The following DYM variants were observed in gnomAD, a reference collection of about 807,000 sequenced individuals.
DYM encodes dymeclin.
In DYM, 78 loss-of-function variants were observed where a neutral mutation model predicts 93.1. That is an observed-to-expected ratio of 0.84 (90% CI 0.70 to 1.01). DYM has a LOEUF of 1.01. Ranked by LOEUF, DYM falls within the 50% of genes least tolerant of loss-of-function variation. DYM has a pLI of 0.00. For missense variants in DYM, 789 were observed against 845.0 expected (o/e 0.93, Z 0.82); for synonymous variants, 321 against 319.7 (o/e 1.00, Z -0.04).
At chr18:49,319,068 G>A (rs1028814357) in intron 8 of DYM, among the ~76,000 whole-genome samples, 2 of 152,028 alleles carry the variant, frequency 1.3e-5, no homozygotes, top group African/African-American at 2.4e-5. Flanking sequence ...GCCTCCCAAA[G>A]TGCTGGGATT....
intron 15 of DYM, among the ~76,000 whole-genome samples, chr18:49,124,662 C>G (rs1256180119): frequency 6.6e-6 from 1 of 152,070 alleles, no homozygotes; most frequent in African/African-American, 2.4e-5. Context: ...TACATTGTTT[C>G]TGTGACAAAT....
At chr18:49,367,487 T>C (rs1416245572) in intron 5 of DYM, among the ~76,000 whole-genome samples, 2 of 152,178 alleles carry the variant, frequency 1.3e-5, no homozygotes, top group African/African-American at 4.8e-5. Flanking sequence ...TGTTGTTTTG[T>C]CCTTAGGGAG....
At chr18:49,447,770 T>C (rs1329410845) in intron 1 of DYM, among the ~76,000 whole-genome samples, 2 of 152,184 alleles carry the variant, frequency 1.3e-5, no homozygotes, top group Non-Finnish European at 2.9e-5. Context: ...CTGTATGAAA[T>C]GTGTGGGAAG....
At position 49,044,156 on chromosome 18, in the gene DYM, C is replaced by A; in HGVS notation, c.2074G>T (p.Glu692Ter). 2 of 1,614,146 alleles carry A rather than the reference C, an allele frequency of 1.2e-6. No homozygotes were observed. Among genetic ancestry groups the A allele is most frequent in the Non-Finnish European group, 1.7e-6 (2 of 1,179,998 alleles). ...FKYVEEEQPE[E>*]FFIPYVWSLV... ...GACCAGACATAGGGGATAAAAAACT[C>A]CTCGGGCTGCTCCTCTTCCACATAT... Residue 692 changes from glutamate to a stop codon, truncating the protein, a stop_gained, in exon 18 of 18, where the codon GAG becomes TAG. Transcript: ENST00000675505. LOFTEE classifies it high-confidence loss of function.
intron 6 of DYM, among the ~76,000 whole-genome samples, chr18:49,359,232 G>C (rs1403268228): frequency 6.6e-6 from 1 of 152,120 alleles, no homozygotes; most frequent in East Asian, 1.9e-4. Flanking sequence ...GCAAGGATTT[G>C]CTTTTGGCCG....
At chr18:49,352,675 G>A (rs1934337709) in intron 6 of DYM, among the ~76,000 whole-genome samples, 1 of 152,162 alleles carries the variant, frequency 6.6e-6, no homozygotes, top group Non-Finnish European at 1.5e-5. Context: ...TTTGCTAAAT[G>A]TAAATTATAC....
chr18:49,394,379 T>C (rs914476976), intron 2 of DYM, among the ~76,000 whole-genome samples: 1 of 151,774 alleles, frequency 6.6e-6, no homozygotes, highest in Non-Finnish European at 1.5e-5. Context: ...ATAGATTCTG[T>C]TTCATTTGTC....
Position 49,430,317 on chromosome 18 carries a change from GAT to G in DYM, c.76_77del (p.Ile26LeufsTer2). 2 of 1,614,072 alleles carry G rather than the reference GAT, an allele frequency of 1.2e-6. No individual in the cohort carries two copies. The highest frequency in any genetic ancestry group is 1.7e-6 in the Non-Finnish European group (2 of 1,180,010). ...YLKKLSGTES[I>X]SENDPFWNQL... ...GATTCCAGAACGGGTCATTCTCAGA[GAT>G]AGATTCCGTGCCTGATAACTTTTTC... On this transcript the variant is annotated frameshift_variant, in exon 2 of 18. Coordinates refer to ENST00000675505, the MANE Select transcript of DYM (RefSeq NM_001353214.3). LOFTEE classifies it high-confidence loss of function.
At chr18:49,417,364 G>T (rs2073114180) in intron 2 of DYM, among the ~76,000 whole-genome samples, 1 of 151,916 alleles carries the variant, frequency 6.6e-6, no homozygotes, top group African/African-American at 2.4e-5. Context: ...TGCCCAGGCT[G>T]GTCTCAAACT....
intron 6 of DYM, among the ~76,000 whole-genome samples, chr18:49,356,678 A>C (rs892122365): frequency 3.9e-5 from 6 of 152,212 alleles, no homozygotes; most frequent in African/African-American, 1.2e-4. Context: ...TGGAGACTCC[A>C]TAAAGAAACC....
At chr18:49,276,271 A>G (rs115993133) in intron 10 of DYM, among the ~76,000 whole-genome samples, 2,289 of 152,142 alleles carry the variant, frequency 0.015, 63 homozygotes, top group African/African-American at 0.052. Context: ...AAATATTTTT[A>G]TTTCATAAAA....
chr18:49,419,298 G>A (rs984630363), intron 2 of DYM, among the ~76,000 whole-genome samples: 7 of 152,054 alleles, frequency 4.6e-5, no homozygotes, highest in East Asian at 1.9e-4. Context: ...GGCGGAGGTC[G>A]CAGTGAGCTG....
chr18:49,245,694 C>T (rs2144820610), intron 13 of DYM, among the ~76,000 whole-genome samples: 1 of 152,244 alleles, frequency 6.6e-6, no homozygotes, highest in East Asian at 1.9e-4. Context: ...TCTAATTTTG[C>T]CTTTGCCTTG....
chr18:49,166,760 G>T (rs1039305175), intron 14 of DYM, among the ~76,000 whole-genome samples: 2 of 152,072 alleles, frequency 1.3e-5, no homozygotes, highest in Non-Finnish European at 2.9e-5. Context: ...AGAACTTTGG[G>T]TAGTCAATTC....
intron 17 of DYM, among the ~76,000 whole-genome samples, chr18:49,080,766 G>A (rs187769990): frequency 7.1e-6 from 1 of 141,248 alleles, no homozygotes; most frequent in Admixed American, 6.9e-5. Context: ...CGGGCGGAGG[G>A]GCTCCTCACT....
chr18:49,095,698 C>A (rs879400726), intron 17 of DYM, among the ~76,000 whole-genome samples: 1 of 152,042 alleles, frequency 6.6e-6, no homozygotes, highest in African/African-American at 2.4e-5. Flanking sequence ...TTCTGAAAAA[C>A]GAAAAGAGTT....
chr18:49,038,884 T>C lies in DYM; in HGVS notation c.*5171A>G, dbSNP rs2070801962. ...TCTTCTTGGATGATGCCAAGTGTCT[T>C]AGAACACTTAAAATTCCCACATAAA... On this transcript the variant is annotated 3_prime_UTR_variant, in exon 18 of 18. Coordinates refer to ENST00000675505, the MANE Select transcript of DYM (RefSeq NM_001353214.3). Among the ~76,000 whole-genome samples, 1 of 152,254 alleles carries C rather than the reference T, an allele frequency of 6.6e-6. No individual in the cohort carries two copies. The highest frequency in any genetic ancestry group is 1.5e-5 in the Non-Finnish European group (1 of 68,046).
chr18:49,286,720 C>T (rs779761731), intron 8 of DYM, 104 bp from the exon 9 acceptor site: 198 of 1,145,396 alleles, frequency 1.7e-4, no homozygotes, highest in Middle Eastern at 8.3e-4. Context: ...ATGAGCAGTT[C>T]CAAAGTGTAG....
chr18:49,123,181 A>G (rs926965951), intron 15 of DYM, among the ~76,000 whole-genome samples: 2 of 152,148 alleles, frequency 1.3e-5, no homozygotes, highest in African/African-American at 4.8e-5. Context: ...TATGATCATG[A>G]CTGCTATCTT....
Sources: gnomAD v4.1 joint callset for allele counts (sites outside exome capture counted in the v4.1 genomes callset) on GRCh38, gnomAD v4.1.1 for gene constraint, MANE v1.5 for transcripts, NCBI Gene and HGNC (gene_info 2026-07-23, HGNC 2026-07-21) for gene names.